Variants in EXOC6B observed in about 807,000 individuals in gnomAD.
The protein encoded by EXOC6B is SEC15 homolog B.
Under a neutral mutation model 113.5 loss-of-function variants are expected in EXOC6B, and 54 were observed. The observed-to-expected ratio is 0.48, with a 90% CI of 0.38 to 0.60. The LOEUF (loss-of-function observed/expected upper bound fraction) is 0.60. EXOC6B is among the 20% of genes least tolerant of loss of function. EXOC6B has a pLI of 0.00. For missense variants in EXOC6B, 797 were observed against 977.5 expected (o/e 0.82, Z 2.46); for synonymous variants, 357 against 339.0 (o/e 1.05, Z -0.58).
At chr2:72,548,090 A>C (rs1703006285) in intron 8 of EXOC6B, among the ~76,000 whole-genome samples, 1 of 152,028 alleles carries the variant, frequency 6.6e-6, no homozygotes, top group Non-Finnish European at 1.5e-5. Context: ...ATTAACCACT[A>C]TCTGACCCTT....
chr2:72,515,393 T>TG lies in EXOC6B; in HGVS notation c.916-268dup, dbSNP rs1282503542. 5.0e-6 allele frequency: 6 copies of TG among 1,196,488 alleles called. No homozygotes were observed. The African/African-American group carries it at 9.5e-5, about 19-fold the overall frequency. The allele number at this position is 1,196,488 out of a possible 1,614,324, so 74.1% of individuals were successfully genotyped here. On this transcript the variant is annotated intron_variant, in intron 8 of 21. Coordinates refer to ENST00000272427, the MANE Select transcript of EXOC6B (RefSeq NM_015189.3). ...TCACCAGCACACCAAAGCTGGTTTC[T>TG]GAATCAACTGTCTCAAATTCACAAG... is the stretch of plus-strand genomic sequence containing the variant.
intron 1 of EXOC6B, among the ~76,000 whole-genome samples, chr2:72,781,935 T>C (rs1684066509): frequency 6.6e-6 from 1 of 151,850 alleles, no homozygotes; most frequent in South Asian, 2.1e-4. Flanking sequence ...GGTCAGGAGT[T>C]TGAGACAAGC....
chr2:72,610,178 A>T (rs1011077845), intron 6 of EXOC6B, among the ~76,000 whole-genome samples: 12 of 152,186 alleles, frequency 7.9e-5, no homozygotes, highest in Admixed American at 6.5e-5. Flanking sequence ...CTCAGAACAA[A>T]GCATATTATC....
intron 18 of EXOC6B, among the ~76,000 whole-genome samples, chr2:72,454,401 G>A (rs1697090846): frequency 1.3e-5 from 2 of 152,022 alleles, no homozygotes; most frequent in Admixed American, 1.3e-4. Flanking sequence ...ACACTTTGCA[G>A]GGCTGTTGTG....
At chr2:72,757,837 T>C (rs1682516116) in intron 1 of EXOC6B, among the ~76,000 whole-genome samples, 1 of 152,110 alleles carries the variant, frequency 6.6e-6, no homozygotes, top group African/African-American at 2.4e-5. Flanking sequence ...CTTCCTCTTG[T>C]AATTAATCAT....
chr2:72,213,570 T>C (rs1335034412), intron 20 of EXOC6B, among the ~76,000 whole-genome samples: 1 of 152,136 alleles, frequency 6.6e-6, no homozygotes, highest in Non-Finnish European at 1.5e-5. Flanking sequence ...CAGTGACTCT[T>C]GTTAGAACTT....
chr2:72,447,835 T>G (rs1696679155), intron 18 of EXOC6B, among the ~76,000 whole-genome samples: 1 of 152,162 alleles, frequency 6.6e-6, no homozygotes, highest in African/African-American at 2.4e-5. Flanking sequence ...TATGCAATCT[T>G]ACTTGCATTA....
intron 1 of EXOC6B, among the ~76,000 whole-genome samples, chr2:72,802,583 A>G (rs1448463553): frequency 1.3e-5 from 2 of 151,974 alleles, no homozygotes; most frequent in Non-Finnish European, 2.9e-5. Context: ...GCTTTAAGTA[A>G]TTTTTTCTTT....
intron 18 of EXOC6B, among the ~76,000 whole-genome samples, chr2:72,458,151 G>A (rs1023373348): frequency 6.6e-6 from 1 of 152,086 alleles, no homozygotes; most frequent in Non-Finnish European, 1.5e-5. Context: ...CCCTCTCTGA[G>A]AGAGAGCCAC....
intron 6 of EXOC6B, among the ~76,000 whole-genome samples, chr2:72,699,713 C>T (rs1241734542): frequency 6.6e-6 from 1 of 151,978 alleles, no homozygotes; most frequent in Non-Finnish European, 1.5e-5. Flanking sequence ...TTAAAAAAAA[C>T]AATGTTATAG....
At chr2:72,521,909 G>C (rs1701508612) in intron 8 of EXOC6B, among the ~76,000 whole-genome samples, 1 of 152,158 alleles carries the variant, frequency 6.6e-6, no homozygotes, top group South Asian at 2.1e-4. Context: ...TCTTAGCCAG[G>C]ATGGTCTCAA....
chr2:72,335,100 C>G (rs542787587), intron 19 of EXOC6B, 80 bp from the exon 20 acceptor site: 7 of 1,298,888 alleles, frequency 5.4e-6, no homozygotes, highest in Non-Finnish European at 7.8e-6. Flanking sequence ...ACAGGGAAGA[C>G]AAGAGAAGCT....
intron 2 of EXOC6B, among the ~76,000 whole-genome samples, chr2:72,736,734 C>A (rs1188609525): frequency 6.6e-6 from 1 of 152,184 alleles, no homozygotes; most frequent in South Asian, 2.1e-4. Context: ...AGGAGGTATT[C>A]TACCACACGA....
chr2:72,700,073 T>C (rs566985206), intron 6 of EXOC6B, among the ~76,000 whole-genome samples: 123 of 152,312 alleles, frequency 8.1e-4, no homozygotes, highest in African/African-American at 2.9e-3. Context: ...ATGTAAAAAC[T>C]ATGCAAATAG....
chr2:72,474,877 T>C (rs1667611005), intron 17 of EXOC6B, among the ~76,000 whole-genome samples: 1 of 152,222 alleles, frequency 6.6e-6, no homozygotes, highest in African/African-American at 2.4e-5. Flanking sequence ...TAACAGTCAC[T>C]TCTTGCAATT....
chr2:72,786,270 T>C (rs1372731005), intron 1 of EXOC6B, among the ~76,000 whole-genome samples: 1 of 152,216 alleles, frequency 6.6e-6, no homozygotes, highest in Admixed American at 6.5e-5. Context: ...GTCTGTGACC[T>C]AGAAGTTGGA....
intron 8 of EXOC6B, among the ~76,000 whole-genome samples, chr2:72,558,443 GGA>G (rs529713272): frequency 5.9e-5 from 9 of 152,138 alleles, no homozygotes; most frequent in Non-Finnish European, 1.2e-4. Flanking sequence ...CAAATTGTCA[GGA>G]GTAATGACAA....
chr2:72,311,937 T>C (rs1687211522), intron 20 of EXOC6B, among the ~76,000 whole-genome samples: 1 of 152,212 alleles, frequency 6.6e-6, no homozygotes, highest in Non-Finnish European at 1.5e-5. Flanking sequence ...CTGTTCATGA[T>C]TTATTGATTT....
intron 1 of EXOC6B, among the ~76,000 whole-genome samples, chr2:72,798,843 TAAC>T (rs1052188136): frequency 4.6e-5 from 7 of 152,024 alleles, no homozygotes; most frequent in African/African-American, 7.2e-5. Context: ...TGCAACTGGG[TAAC>T]AACAACAACA....
Sources: gnomAD v4.1 joint callset for allele counts (sites outside exome capture counted in the v4.1 genomes callset) on GRCh38, gnomAD v4.1.1 for gene constraint, MANE v1.5 for transcripts, NCBI Gene and HGNC (gene_info 2026-07-23, HGNC 2026-07-21) for gene names.